PRKN: variants seen among roughly 807,000 people sequenced by gnomAD.
PRKN encodes the protein E3 ubiquitin-protein ligase parkin.
PRKN carries 56 observed loss-of-function variants against 59.5 expected under a neutral mutation model. That is an observed-to-expected ratio of 0.94 (90% CI 0.76 to 1.18). The LOEUF (loss-of-function observed/expected upper bound fraction) is 1.18. PRKN is among the 50% of genes most tolerant of loss of function. The pLI, the probability that PRKN is intolerant of heterozygous loss-of-function variation, is 0.00. For missense variants in PRKN, 657 were observed against 596.4 expected (o/e 1.10, Z -1.06); for synonymous variants, 250 against 222.1 (o/e 1.13, Z -1.12).
At chr6:162,681,249 G>A (rs1194709122) in intron 1 of PRKN, among the ~76,000 whole-genome samples, 4 of 152,100 alleles carry the variant, frequency 2.6e-5, no homozygotes, top group Non-Finnish European at 5.9e-5. Context: ...AACTCTATAA[G>A]TTATTAAAAT....
intron 1 of PRKN, among the ~76,000 whole-genome samples, chr6:162,573,234 C>G (rs1245149685): frequency 6.6e-6 from 1 of 152,068 alleles, no homozygotes; most frequent in Non-Finnish European, 1.5e-5. Context: ...GCAGGCTTAC[C>G]TCAAAAACTA....
intron 1 of PRKN, among the ~76,000 whole-genome samples, chr6:162,700,093 C>T (rs188502996): frequency 1.3e-5 from 2 of 152,270 alleles, no homozygotes; most frequent in Admixed American, 1.3e-4. Flanking sequence ...AAAATTGCCT[C>T]ATTTCCCTCC....
chr6:162,203,296 T>C (rs538424101), intron 3 of PRKN, among the ~76,000 whole-genome samples: 2 of 152,254 alleles, frequency 1.3e-5, no homozygotes, highest in Admixed American at 1.3e-4. Flanking sequence ...GTCTGTGCCC[T>C]AGAAGCATAC....
At position 161,371,775 on chromosome 6, in the gene PRKN, A is replaced by AT. The variant is rs1160289648; in HGVS notation, c.1168-11571dup. Among the ~76,000 whole-genome samples the AT allele has an allele frequency of 3.9e-5, 6 of 152,242 alleles. No individual in the cohort carries two copies. In the South Asian group the frequency reaches 1.2e-3, roughly 32 times the overall value. ...TGCCTCAGCCTCCTGAGTAGCTGGG[A>AT]TTACAGGCATGCACCACCCCACCTC... On this transcript the variant is annotated intron_variant, in intron 10 of 11. Coordinates refer to ENST00000366898, the MANE Select transcript of PRKN (RefSeq NM_004562.3). This position sits in a 1 kb window ranked among gnomAD's most constrained non-coding sequence, Gnocchi z 5.5.
intron 7 of PRKN, among the ~76,000 whole-genome samples, chr6:161,740,103 A>G (rs1242287212): frequency 1.3e-5 from 2 of 152,178 alleles, no homozygotes; most frequent in African/African-American, 2.4e-5. Flanking sequence ...GAGTTAACCA[A>G]TGTTATCAAA....
At chr6:161,737,248 A>AG (rs1204598916) in intron 7 of PRKN, among the ~76,000 whole-genome samples, 2 of 152,200 alleles carry the variant, frequency 1.3e-5, no homozygotes, top group African/African-American at 4.8e-5. Context: ...ATCCACTTAA[A>AG]GGGGAATGAA....
intron 2 of PRKN, among the ~76,000 whole-genome samples, chr6:162,387,234 C>CAAAAA (rs34452454): frequency 9.9e-6 from 1 of 101,214 alleles, no homozygotes; most frequent in Non-Finnish European, 2.1e-5. Context: ...AAAAAATAAG[C>CAAAAA]AAAAAAAAAA....
chr6:161,833,543 C>T (rs1184872479), intron 6 of PRKN, among the ~76,000 whole-genome samples: 2 of 152,160 alleles, frequency 1.3e-5, no homozygotes, highest in Non-Finnish European at 2.9e-5. Context: ...TTGACACTTC[C>T]TTATCTCTCT....
In PRKN at chr6:161,532,670, G is replaced by A. The variant is rs144697067; in HGVS notation, c.1083+16184C>T. Among the ~76,000 whole-genome samples the A allele has an allele frequency of 6.5e-3, 988 of 152,254 alleles. 12 individuals are homozygous for A. The highest frequency in any genetic ancestry group is 0.022 in the African/African-American group (921 of 41,554). On this transcript the variant is annotated intron_variant, in intron 9 of 11. Transcript: ENST00000366898. Reference sequence around the variant, plus strand: ...CATCCTTGCTAAATAGAAATCATGGGTTACGAGACGGGAGAGACGCCCACG... The same window carrying A: ...CATCCTTGCTAAATAGAAATCATGGATTACGAGACGGGAGAGACGCCCACG...
chr6:161,911,848 T>G (rs1210346144), intron 6 of PRKN, among the ~76,000 whole-genome samples: 1 of 152,016 alleles, frequency 6.6e-6, no homozygotes, highest in Non-Finnish European at 1.5e-5. Context: ...AAAATAAAAA[T>G]TCAAGTGCGA....
chr6:162,679,673 A>C (rs1489001508), intron 1 of PRKN, among the ~76,000 whole-genome samples: 3 of 152,204 alleles, frequency 2.0e-5, no homozygotes, highest in Non-Finnish European at 2.9e-5. Context: ...CATCTCAACT[A>C]TTCTGGGAGA....
intron 1 of PRKN, among the ~76,000 whole-genome samples, chr6:162,713,276 C>T (rs9347681): frequency 0.18 from 26,943 of 152,030 alleles, 3,075 homozygotes; most frequent in East Asian, 0.48. Context: ...GGGCGGATCA[C>T]GAGGTCAGAA....
intron 7 of PRKN, among the ~76,000 whole-genome samples, chr6:161,681,193 C>T (rs1029389015): frequency 6.6e-6 from 1 of 152,114 alleles, no homozygotes; most frequent in Non-Finnish European, 1.5e-5. Context: ...AACTCCTGAC[C>T]TCAACTGACC....
intron 5 of PRKN, among the ~76,000 whole-genome samples, chr6:162,017,588 C>G (rs1264745528): frequency 8.0e-6 from 1 of 125,376 alleles, no homozygotes; most frequent in African/African-American, 3.3e-5. Flanking sequence ...TTTGAAAAAC[C>G]ATGGTTTAAC....
chr6:162,422,769 AC>A (rs1789037227), intron 2 of PRKN, among the ~76,000 whole-genome samples: 2 of 151,908 alleles, frequency 1.3e-5, no homozygotes, highest in African/African-American at 4.8e-5. Flanking sequence ...ACATGGTGAA[AC>A]CCTGTCTCTA....
intron 6 of PRKN, among the ~76,000 whole-genome samples, chr6:161,816,882 G>A (rs181757231): frequency 1.4e-4 from 21 of 152,162 alleles, no homozygotes; most frequent in Admixed American, 8.5e-4. Context: ...AAGAGAACAG[G>A]GTTCAGTATA....
intron 2 of PRKN, among the ~76,000 whole-genome samples, chr6:162,400,291 G>A (rs2128149165): frequency 6.6e-6 from 1 of 150,970 alleles, no homozygotes; most frequent in South Asian, 2.1e-4. Flanking sequence ...TGTAATAAAA[G>A]GAAAATGACC....
chr6:162,098,827 C>A (rs1025985589), intron 4 of PRKN, among the ~76,000 whole-genome samples: 4 of 152,184 alleles, frequency 2.6e-5, no homozygotes, highest in South Asian at 2.1e-4. Context: ...CTTAGCCTTG[C>A]AGGCTCAGGA....
intron 2 of PRKN, among the ~76,000 whole-genome samples, chr6:162,317,653 A>T (rs1346601681): frequency 6.6e-6 from 1 of 152,046 alleles, no homozygotes; most frequent in Non-Finnish European, 1.5e-5. Flanking sequence ...CAAAGAGCAC[A>T]ATCACTGAAA....
Sources: allele counts gnomAD v4.1 joint callset (sites outside exome capture counted in the v4.1 genomes callset), GRCh38; gene constraint gnomAD v4.1.1; non-coding constraint Gnocchi (gnomAD v3.1); transcripts MANE v1.5; gene names NCBI Gene and HGNC (gene_info 2026-07-23, HGNC 2026-07-21).